The following TMEM178B variants were observed in gnomAD, a reference collection of about 807,000 sequenced individuals.
TMEM178B encodes the protein transmembrane protein 178B.
TMEM178B carries 5 observed loss-of-function variants against 31.0 expected under a neutral mutation model. That is an observed-to-expected ratio of 0.16 (90% CI 0.08 to 0.34). TMEM178B has a LOEUF of 0.34. Ranked by LOEUF, TMEM178B falls within the 10% of genes least tolerant of loss-of-function variation. The probability of loss-of-function intolerance (pLI) is 1.00; values close to 1 mark genes in which losing one functional copy is unlikely to be tolerated. For synonymous variants in TMEM178B, 164 were observed against 164.0 expected, an observed-to-expected ratio of 1.00 and a Z score of 0.00; for missense variants, 275 against 400.3, an observed-to-expected ratio of 0.69 and a Z score of 2.67.
intron 2 of TMEM178B, among the ~76,000 whole-genome samples, chr7:141,321,164 G>A (rs1799092037): frequency 6.6e-6 from 1 of 152,154 alleles, no homozygotes; most frequent in Non-Finnish European, 1.5e-5. Context: ...AGCATCTGGA[G>A]GTAGCCAACA....
intron 1 of TMEM178B, among the ~76,000 whole-genome samples, chr7:141,126,099 C>A (rs1376871689): frequency 6.6e-6 from 1 of 152,112 alleles, no homozygotes; most frequent in African/African-American, 2.4e-5. Flanking sequence ...AATGAGTGAT[C>A]AAATAGTTGG....
chr7:141,337,316 T>TA (rs1377097036), intron 2 of TMEM178B, among the ~76,000 whole-genome samples: 2 of 137,850 alleles, frequency 1.5e-5, no homozygotes, highest in Non-Finnish European at 3.1e-5. Context: ...ACCACCACCA[T>TA]ATTCATCATC....
chr7:141,401,907 G>A (rs961980707), intron 2 of TMEM178B, among the ~76,000 whole-genome samples: 14 of 152,132 alleles, frequency 9.2e-5, no homozygotes, highest in Middle Eastern at 3.2e-3. Flanking sequence ...AGATAACTCC[G>A]GGTAAACACC....
At chr7:141,347,605 A>G (rs1259338449) in intron 2 of TMEM178B, among the ~76,000 whole-genome samples, 1 of 152,108 alleles carries the variant, frequency 6.6e-6, no homozygotes, top group Admixed American at 6.5e-5. Flanking sequence ...AGTCATGGTA[A>G]CTAGAGATGC....
intron 3 of TMEM178B, among the ~76,000 whole-genome samples, chr7:141,457,670 A>G (rs192238418): frequency 1.3e-5 from 2 of 152,368 alleles, no homozygotes; most frequent in Non-Finnish European, 2.9e-5. Context: ...TGGCAGCTCT[A>G]TATTCCAGAG....
At chr7:141,418,290 A>T (rs1272056447) in intron 2 of TMEM178B, among the ~76,000 whole-genome samples, 1 of 151,828 alleles carries the variant, frequency 6.6e-6, no homozygotes, top group Non-Finnish European at 1.5e-5. Context: ...TCACTTCCTT[A>T]CCTCCCACTC....
At chr7:141,218,050 T>C (rs1034857343) in intron 2 of TMEM178B, among the ~76,000 whole-genome samples, 1 of 151,590 alleles carries the variant, frequency 6.6e-6, no homozygotes, top group Non-Finnish European at 1.5e-5. Context: ...AGAGACGATT[T>C]CCCCTCCGAG....
intron 2 of TMEM178B, among the ~76,000 whole-genome samples, chr7:141,238,323 T>C (rs1797562075): frequency 6.6e-6 from 1 of 152,008 alleles, no homozygotes; most frequent in South Asian, 2.1e-4. Flanking sequence ...TGGTCAGTGT[T>C]ATGACAAGTG....
chr7:141,157,870 C>T (rs1452139744), intron 1 of TMEM178B, among the ~76,000 whole-genome samples: 1 of 152,132 alleles, frequency 6.6e-6, no homozygotes, highest in African/African-American at 2.4e-5. Context: ...GAGGCCCTTC[C>T]ACCCTGCTTC....
At chr7:141,285,070 A>C (rs1200402140) in intron 2 of TMEM178B, among the ~76,000 whole-genome samples, 2 of 151,540 alleles carry the variant, frequency 1.3e-5, no homozygotes, top group South Asian at 2.1e-4. Flanking sequence ...AAAAAAAAAA[A>C]ACTACATACG....
chr7:141,206,984 T>G (rs1796977400), intron 1 of TMEM178B, among the ~76,000 whole-genome samples: 1 of 152,348 alleles, frequency 6.6e-6, no homozygotes, highest in African/African-American at 2.4e-5. Context: ...TCCTCTCTAT[T>G]TCTATGAGTT....
intron 2 of TMEM178B, among the ~76,000 whole-genome samples, chr7:141,395,656 C>T (rs1231373129): frequency 1.3e-5 from 2 of 152,122 alleles, no homozygotes; most frequent in Admixed American, 6.5e-5. Context: ...GAGGTGATGG[C>T]GTCTGGCTCT....
intron 1 of TMEM178B, among the ~76,000 whole-genome samples, chr7:141,147,050 A>G (rs573914957): frequency 3.9e-5 from 6 of 152,302 alleles, no homozygotes; most frequent in Admixed American, 2.0e-4. Flanking sequence ...AGTAATGAGA[A>G]TGTATAAGAG....
At chr7:141,114,145 C>T (rs1029285931) in intron 1 of TMEM178B, among the ~76,000 whole-genome samples, 1 of 152,228 alleles carries the variant, frequency 6.6e-6, no homozygotes, top group Non-Finnish European at 1.5e-5. Context: ...ATAGGAATTG[C>T]AACACACCTC....
chr7:141,240,325 T>C (rs1334803366), intron 2 of TMEM178B, among the ~76,000 whole-genome samples: 1 of 152,234 alleles, frequency 6.6e-6, no homozygotes, highest in Non-Finnish European at 1.5e-5. Context: ...ACACACCAGA[T>C]TGAATTTGTT....
At chr7:141,297,513 C>T (rs1007736470) in intron 2 of TMEM178B, among the ~76,000 whole-genome samples, 3 of 152,148 alleles carry the variant, frequency 2.0e-5, no homozygotes, top group East Asian at 1.9e-4. Context: ...CCCCTTCCCC[C>T]ACCCCACAAC....
chr7:141,089,758 G>A (rs532142653), intron 1 of TMEM178B, among the ~76,000 whole-genome samples: 15 of 152,008 alleles, frequency 9.9e-5, no homozygotes, highest in Non-Finnish European at 1.9e-4. Context: ...ACTATTGCAA[G>A]GACAAAAAAC....
In TMEM178B at chr7:141,464,441, G is replaced by A. The variant is rs147876569; in HGVS notation, c.635-6095G>A. On this transcript the variant is annotated intron_variant, in intron 3 of 3. Coordinates refer to ENST00000565468, the MANE Select transcript of TMEM178B (RefSeq NM_001195278.2). Reference sequence around the variant, plus strand: ...CCATTCAGGGCTGATAACAAACTCAGGTCTCTTCACCCTCAGTCTGATACT... The same window carrying A: ...CCATTCAGGGCTGATAACAAACTCAAGTCTCTTCACCCTCAGTCTGATACT... Among the ~76,000 whole-genome samples, 45 of 152,112 alleles carry A rather than the reference G, an allele frequency of 3.0e-4. No individual in the cohort carries two copies. The East Asian group carries it at 7.3e-3, about 25-fold the overall frequency.
At chr7:141,356,517 G>A (rs1272944124) in intron 2 of TMEM178B, among the ~76,000 whole-genome samples, 1 of 151,856 alleles carries the variant, frequency 6.6e-6, no homozygotes, top group Non-Finnish European at 1.5e-5. Flanking sequence ...CTTATGTGTA[G>A]TCTTCTGAGA....
Sources: gnomAD v4.1 joint callset for allele counts (sites outside exome capture counted in the v4.1 genomes callset) on GRCh38, gnomAD v4.1.1 for gene constraint, MANE v1.5 for transcripts, NCBI Gene and HGNC (gene_info 2026-07-23, HGNC 2026-07-21) for gene names.